Variants in SFMBT2 observed in about 807,000 individuals in gnomAD.
The protein encoded by SFMBT2 is scm-like with four MBT domains protein 2.
In SFMBT2, 38 loss-of-function variants were observed where a neutral mutation model predicts 110.1. The ratio of observed to expected loss-of-function variants is 0.35; its 90% CI spans 0.27 to 0.45. SFMBT2 has a LOEUF of 0.45. SFMBT2 is among the 20% of genes least tolerant of loss of function. The pLI, the probability that SFMBT2 is intolerant of heterozygous loss-of-function variation, is 1.00. For missense variants in SFMBT2, 1,011 were observed against 1,094.9 expected, an observed-to-expected ratio of 0.92 and a Z score of 1.08; for synonymous variants, 425 against 425.4, an observed-to-expected ratio of 1.00 and a Z score of 0.01.
intron 4 of SFMBT2, among the ~76,000 whole-genome samples, chr10:7,302,565 C>T (rs920389060): frequency 2.0e-5 from 3 of 152,298 alleles, no homozygotes; most frequent in Non-Finnish European, 4.4e-5. Context: ...AGCAGAGATG[C>T]ATGCCTGGGC....
At chr10:7,322,148 G>A (rs549039081) in intron 4 of SFMBT2, among the ~76,000 whole-genome samples, 1 of 152,288 alleles carries the variant, frequency 6.6e-6, no homozygotes, top group Admixed American at 6.5e-5. Flanking sequence ...AATCATGGGG[G>A]TGGGTTTTTC....
chr10:7,181,558 T>C (rs927394417), intron 16 of SFMBT2, among the ~76,000 whole-genome samples: 4 of 152,172 alleles, frequency 2.6e-5, no homozygotes, highest in African/African-American at 9.7e-5. Context: ...AGAAATAATA[T>C]AAAGGCATGT....
rs1237199052 is a variant in SFMBT2, at chr10:7,408,443, C to T, written c.-52+2418G>A. ...TGCGCTCCTGCAAACCACGTTGCTG[C>T]GCTAACTACAAACCTGGCCAACATG... On this transcript the variant is annotated intron_variant, in intron 1 of 20. Coordinates refer to ENST00000397167, the MANE Select transcript of SFMBT2 (RefSeq NM_001387889.1). The surrounding 1 kb of genome is among the most constrained non-coding windows in gnomAD (Gnocchi z 5.7). Among the ~76,000 whole-genome samples the T allele has an allele frequency of 6.6e-6, 1 of 152,268 alleles. No individual in the cohort carries two copies. The highest frequency in any genetic ancestry group is 1.5e-5 in the Non-Finnish European group (1 of 68,052).
At chr10:7,174,331 G>A (rs1477827897) in intron 17 of SFMBT2, among the ~76,000 whole-genome samples, 2 of 152,222 alleles carry the variant, frequency 1.3e-5, no homozygotes, top group African/African-American at 2.4e-5. Flanking sequence ...CAGGGCCAGG[G>A]CAGGCTGGCT....
chr10:7,404,254 T>C (rs934033399), intron 1 of SFMBT2, among the ~76,000 whole-genome samples: 10 of 152,242 alleles, frequency 6.6e-5, no homozygotes, highest in African/African-American at 2.4e-4. Flanking sequence ...ATTTAAGTTA[T>C]ACCTAAAACA....
intron 1 of SFMBT2, among the ~76,000 whole-genome samples, chr10:7,383,612 T>C (rs1272006302): frequency 6.6e-6 from 1 of 152,106 alleles, no homozygotes; most frequent in East Asian, 1.9e-4. Context: ...TATAAAACTA[T>C]CCGGAGTGGG....
intron 15 of SFMBT2, 46 bp from the exon 16 acceptor site, chr10:7,188,779 T>C (rs1404692174): frequency 6.7e-7 from 1 of 1,492,732 alleles, no homozygotes; most frequent in Non-Finnish European, 9.3e-7. Flanking sequence ...TTGCATTCAT[T>C]CCTACTAACA....
intron 17 of SFMBT2, among the ~76,000 whole-genome samples, chr10:7,174,362 G>C (rs1398167336): frequency 1.3e-5 from 2 of 152,160 alleles, no homozygotes; most frequent in Non-Finnish European, 2.9e-5. Context: ...CAGTGGCTGG[G>C]GATGAGAACT....
intron 4 of SFMBT2, among the ~76,000 whole-genome samples, chr10:7,341,736 G>A (rs888883220): frequency 6.6e-6 from 1 of 152,182 alleles, no homozygotes; most frequent in African/African-American, 2.4e-5. Flanking sequence ...ATGTCTAAGA[G>A]TTCCTTCAAA....
chr10:7,376,823 T>C (rs1159335840), intron 2 of SFMBT2, among the ~76,000 whole-genome samples: 2 of 110,936 alleles, frequency 1.8e-5, no homozygotes, highest in Non-Finnish European at 3.4e-5. Context: ...CAAGGAATCA[T>C]AGCCTCATAG....
intron 1 of SFMBT2, among the ~76,000 whole-genome samples, chr10:7,393,013 ATATATATATATATATATATATAAT>A (rs1845819413): frequency 1.2e-5 from 1 of 81,600 alleles, no homozygotes; most frequent in Non-Finnish European, 2.2e-5. Context: ...ATATATATAT[ATATATATATATATATATATATAAT>A]TTTTTTTTTT....
intron 6 of SFMBT2, among the ~76,000 whole-genome samples, chr10:7,283,025 G>A (rs1214314213): frequency 6.6e-6 from 1 of 152,152 alleles, no homozygotes; most frequent in Non-Finnish European, 1.5e-5. Context: ...CTGGGAATCT[G>A]AATTGCACTG....
intron 4 of SFMBT2, among the ~76,000 whole-genome samples, chr10:7,331,924 C>T (rs927804068): frequency 6.7e-6 from 1 of 149,558 alleles, no homozygotes; most frequent in Non-Finnish European, 1.5e-5. Flanking sequence ...GCATGAGAAT[C>T]GCTTGAAGCT....
At chr10:7,296,920 C>T (rs75770617) in intron 4 of SFMBT2, among the ~76,000 whole-genome samples, 98 of 152,318 alleles carry the variant, frequency 6.4e-4, no homozygotes, top group Non-Finnish European at 1.0e-3. Flanking sequence ...ATCACAGCAG[C>T]GGCTCTTCCT....
intron 1 of SFMBT2, among the ~76,000 whole-genome samples, chr10:7,389,277 C>T (rs532410483): frequency 6.6e-6 from 1 of 152,130 alleles, no homozygotes; most frequent in Non-Finnish European, 1.5e-5. Flanking sequence ...GACAACTGCT[C>T]CACCCATAAG....
At chr10:7,318,121 T>G (rs1843069247) in intron 4 of SFMBT2, among the ~76,000 whole-genome samples, 1 of 152,204 alleles carries the variant, frequency 6.6e-6, no homozygotes, top group Admixed American at 6.5e-5. Context: ...GGTCTGACCA[T>G]GAAATTCTGG....
intron 4 of SFMBT2, among the ~76,000 whole-genome samples, chr10:7,308,709 TG>T (rs1369091218): frequency 1.3e-5 from 2 of 152,194 alleles, no homozygotes; most frequent in Non-Finnish European, 2.9e-5. Context: ...GGCTATTACT[TG>T]ATGTAAAACA....
Position 7,170,866 on chromosome 10 carries a change from A to G in SFMBT2, c.2544+62T>C. The G allele has an allele frequency of 6.2e-7, 1 of 1,605,384 alleles. No homozygotes were observed. On this transcript the variant is annotated intron_variant, in intron 20 of 20. Transcript: ENST00000397167. This position sits in a 1 kb window ranked among gnomAD's most constrained non-coding sequence, Gnocchi z 4.6. ...TCACGAGGAAGCCGGCTAGGACACG[A>G]GGTTCATTTCAGATGCAGAGTCTCA...
chr10:7,199,659 T>C (rs1451291270), intron 14 of SFMBT2, among the ~76,000 whole-genome samples: 2 of 152,216 alleles, frequency 1.3e-5, no homozygotes, highest in African/African-American at 4.8e-5. Flanking sequence ...AATTTTTTGG[T>C]AGGATTACTC....
Sources: allele counts gnomAD v4.1 joint callset (sites outside exome capture counted in the v4.1 genomes callset), GRCh38; gene constraint gnomAD v4.1.1; non-coding constraint Gnocchi (gnomAD v3.1); transcripts MANE v1.5; gene names NCBI Gene and HGNC (gene_info 2026-07-23, HGNC 2026-07-21).